CDH10: variants seen among roughly 807,000 people sequenced by gnomAD.
CDH10 encodes the protein cadherin-10.
Under a neutral mutation model 73.1 loss-of-function variants are expected in CDH10, and 30 were observed. The observed-to-expected ratio is 0.41, with a 90% CI of 0.31 to 0.56. The LOEUF (loss-of-function observed/expected upper bound fraction) is 0.56. Ranked by LOEUF, CDH10 falls within the 20% of genes least tolerant of loss-of-function variation. CDH10 has a pLI of 0.27. For synonymous variants in CDH10, 345 were observed against 348.2 expected (o/e 0.99, Z 0.10); for missense variants, 815 against 973.7 (o/e 0.84, Z 2.17).
chr5:24,535,370 ATT>A, intron 4 of CDH10, 91 bp from the exon 5 acceptor site: 1 of 1,222,962 alleles, frequency 8.2e-7, no homozygotes. Context: ...TAAGCTAGTG[ATT>A]TTTTTGAAAG....
At chr5:24,530,937 G>A (rs1292994208) in intron 5 of CDH10, among the ~76,000 whole-genome samples, 1 of 151,968 alleles carries the variant, frequency 6.6e-6, no homozygotes, top group African/African-American at 2.4e-5. Flanking sequence ...TTTGTTAATG[G>A]CAATGATAAT....
rs556630848 is a variant in CDH10, at chr5:24,592,921, T to C, written c.231+339A>G. ...AATGTGAAATATATATATATATATA[T>C]ACACATATGTATTTTCATTTAAATG... On this transcript the variant is annotated intron_variant, in intron 2 of 11. Transcript: ENST00000264463. 7.0e-3 allele frequency among the ~76,000 whole-genome samples: 1,011 copies of C among 144,434 alleles called. 15 individuals are homozygous for C. Among genetic ancestry groups the C allele is most frequent in the African/African-American group, 0.024 (953 of 39,110 alleles). 94.8% of individuals were successfully genotyped at this position (144,434 alleles called of 152,430 possible). A position where few individuals can be genotyped will look rare whatever the true frequency, so the allele number is the denominator to read the frequency against.
intron 5 of CDH10, among the ~76,000 whole-genome samples, chr5:24,527,399 ATATATT>A (rs1484309647): frequency 2.0e-5 from 3 of 150,160 alleles, no homozygotes; most frequent in African/African-American, 7.3e-5. Flanking sequence ...CACATATTAT[ATATATT>A]TATATTTATA....
At chr5:24,587,070 T>C (rs1388340684) in intron 2 of CDH10, among the ~76,000 whole-genome samples, 2 of 151,466 alleles carry the variant, frequency 1.3e-5, no homozygotes, top group Non-Finnish European at 2.9e-5. Context: ...GGTCTCGATC[T>C]CCTGACCTCG....
At chr5:24,488,482 G>A (rs937948907) in intron 11 of CDH10, among the ~76,000 whole-genome samples, 1 of 151,840 alleles carries the variant, frequency 6.6e-6, no homozygotes, top group Non-Finnish European at 1.5e-5. Context: ...CATTAAATAA[G>A]GAACATAAGA....
intron 2 of CDH10, among the ~76,000 whole-genome samples, chr5:24,586,310 T>C (rs983489711): frequency 2.6e-4 from 39 of 152,132 alleles, no homozygotes; most frequent in Non-Finnish European, 8.8e-5. Flanking sequence ...TAAATTCCCT[T>C]TGCCTACTGT....
At chr5:24,588,911 C>G (rs977671991) in intron 2 of CDH10, among the ~76,000 whole-genome samples, 2 of 152,130 alleles carry the variant, frequency 1.3e-5, no homozygotes, top group African/African-American at 4.8e-5. Flanking sequence ...TTGATTCGTA[C>G]AGCAAAAACC....
intron 2 of CDH10, among the ~76,000 whole-genome samples, chr5:24,557,079 G>T (rs1324798914): frequency 6.6e-6 from 1 of 151,772 alleles, no homozygotes; most frequent in Non-Finnish European, 1.5e-5. Context: ...AAATATTTGT[G>T]TGTATTGTAG....
chr5:24,595,184 G>A (rs1338460760), intron 1 of CDH10, among the ~76,000 whole-genome samples: 1 of 151,730 alleles, frequency 6.6e-6, no homozygotes, highest in African/African-American at 2.4e-5. Context: ...AATAAAGTAT[G>A]TGTTATAGAA....
chr5:24,495,285 A>G (rs1185831179), intron 9 of CDH10, among the ~76,000 whole-genome samples: 4 of 152,218 alleles, frequency 2.6e-5, no homozygotes, highest in Non-Finnish European at 5.9e-5. Context: ...CATTTTGAGC[A>G]TTTGAAGAAA....
chr5:24,509,404 T>G (rs1742813969), intron 7 of CDH10, among the ~76,000 whole-genome samples, 162 bp downstream of exon 7: 1 of 151,934 alleles, frequency 6.6e-6, no homozygotes, highest in Non-Finnish European at 1.5e-5. Flanking sequence ...CAAGACCGGC[T>G]AATTTTTTGT....
intron 9 of CDH10, among the ~76,000 whole-genome samples, chr5:24,494,377 T>A (rs1281098275): frequency 2.0e-5 from 3 of 151,908 alleles, no homozygotes; most frequent in African/African-American, 7.2e-5. Flanking sequence ...CATTTTCAAA[T>A]AATGATTTAT....
intron 5 of CDH10, 85 bp downstream of exon 5, chr5:24,535,027 C>A (rs1201946716): frequency 4.0e-6 from 5 of 1,261,586 alleles, no homozygotes; most frequent in Non-Finnish European, 5.4e-6. Flanking sequence ...ATGACAATTG[C>A]TTTTTCTTTT....
chr5:24,608,769 G>C (rs1385380287), intron 1 of CDH10, among the ~76,000 whole-genome samples: 1 of 152,186 alleles, frequency 6.6e-6, no homozygotes, highest in African/African-American at 2.4e-5. Flanking sequence ...GCTATATAAT[G>C]AGGATATAAT....
intron 5 of CDH10, among the ~76,000 whole-genome samples, chr5:24,534,351 C>T (rs1743861798): frequency 6.6e-6 from 1 of 151,880 alleles, no homozygotes; most frequent in South Asian, 2.1e-4. Flanking sequence ...TCTTTAAATA[C>T]AGGATCTTTT....
intron 5 of CDH10, among the ~76,000 whole-genome samples, chr5:24,514,579 A>G (rs1053519514): frequency 1.1e-4 from 16 of 152,190 alleles, no homozygotes; most frequent in Non-Finnish European, 1.5e-5. Context: ...TGGCACTTCA[A>G]TAAATGAATT....
At chr5:24,576,207 T>G (rs1745593763) in intron 2 of CDH10, among the ~76,000 whole-genome samples, 1 of 152,164 alleles carries the variant, frequency 6.6e-6, no homozygotes, top group African/African-American at 2.4e-5. Context: ...AAAATTAAAT[T>G]TCCTTATTGC....
At chr5:24,611,721 C>G (rs919198995) in intron 1 of CDH10, 6 of 152,044 alleles carry the variant, frequency 3.9e-5, no homozygotes, top group Non-Finnish European at 8.8e-5. Flanking sequence ...TGCTGCTAAC[C>G]GACATAATTC....
intron 2 of CDH10, among the ~76,000 whole-genome samples, chr5:24,540,213 G>GT (rs1473131447): frequency 6.6e-6 from 1 of 151,862 alleles, no homozygotes; most frequent in Non-Finnish European, 1.5e-5. Flanking sequence ...CAAAGAAGGA[G>GT]TAGAGGTTTG....
Sources: allele counts gnomAD v4.1 joint callset (sites outside exome capture counted in the v4.1 genomes callset), GRCh38; gene constraint gnomAD v4.1.1; transcripts MANE v1.5; gene names NCBI Gene and HGNC (gene_info 2026-07-23, HGNC 2026-07-21).